Variants in CTNNA2 observed in about 807,000 individuals in gnomAD.
The protein encoded by CTNNA2 is catenin alpha 2.
Under a neutral mutation model 101.0 loss-of-function variants are expected in CTNNA2, and 42 were observed. The observed-to-expected ratio is 0.42, with a 90% CI of 0.32 to 0.54. The LOEUF (loss-of-function observed/expected upper bound fraction) is 0.54, where lower values mean the gene tolerates loss of function less well. Ranked by LOEUF, CTNNA2 falls within the 20% of genes least tolerant of loss-of-function variation. CTNNA2 has a pLI of 0.14. For missense variants in CTNNA2, 871 were observed against 1,223.1 expected (o/e 0.71, Z 4.29); for synonymous variants, 450 against 456.4 (o/e 0.99, Z 0.18).
intron 7 of CTNNA2, among the ~76,000 whole-genome samples, chr2:80,383,488 A>G (rs1676701756): frequency 6.6e-6 from 1 of 152,210 alleles, no homozygotes; most frequent in African/African-American, 2.4e-5. Flanking sequence ...AAAACTTATT[A>G]GGTAACACTA....
intron 9 of CTNNA2, among the ~76,000 whole-genome samples, chr2:80,516,460 C>G (rs1390620884): frequency 6.6e-6 from 1 of 152,172 alleles, no homozygotes. Flanking sequence ...AGCTCTGCCT[C>G]TCCCCATTAA....
chr2:79,534,870 A>G (rs980816657), intron 1 of CTNNA2, among the ~76,000 whole-genome samples: 3 of 151,598 alleles, frequency 2.0e-5, no homozygotes, highest in African/African-American at 7.3e-5. Context: ...TGCTGTTAAT[A>G]TTTTTATAGC....
chr2:79,185,965 A>G (rs1355326873), intron 1 of CTNNA2, among the ~76,000 whole-genome samples: 2 of 152,208 alleles, frequency 1.3e-5, no homozygotes, highest in Non-Finnish European at 2.9e-5. Context: ...CAGCAGCTGC[A>G]TGTGTTTGGT....
chr2:80,347,828 TTTTTC>T (rs1290418709), intron 7 of CTNNA2, among the ~76,000 whole-genome samples: 4 of 140,068 alleles, frequency 2.9e-5, no homozygotes, highest in African/African-American at 5.6e-5. Flanking sequence ...TATCTTTTCC[TTTTTC>T]TTTTCTTTTC....
intron 12 of CTNNA2, among the ~76,000 whole-genome samples, chr2:80,560,210 T>A (rs1435989304): frequency 6.6e-6 from 1 of 152,180 alleles, no homozygotes; most frequent in Admixed American, 6.5e-5. Context: ...CCTAAAGTTT[T>A]ATACGAATGG....
intron 8 of CTNNA2, among the ~76,000 whole-genome samples, chr2:80,395,071 A>G (rs1677883102): frequency 6.6e-6 from 1 of 152,186 alleles, no homozygotes; most frequent in African/African-American, 2.4e-5. Flanking sequence ...TGAATGAAAA[A>G]GTAATTTTTA....
intron 7 of CTNNA2, among the ~76,000 whole-genome samples, chr2:80,307,045 T>TTATA (rs528786502): frequency 2.0e-5 from 3 of 148,066 alleles, no homozygotes; most frequent in African/African-American, 7.4e-5. Flanking sequence ...AATAAATAAA[T>TTATA]TATATATATA....
At chr2:80,503,032 G>T (rs768351589) in intron 9 of CTNNA2, among the ~76,000 whole-genome samples, 1 of 152,040 alleles carries the variant, frequency 6.6e-6, no homozygotes, top group Non-Finnish European at 1.5e-5. Flanking sequence ...AATTTGCAAG[G>T]CATGGAGGCA....
intron 9 of CTNNA2, among the ~76,000 whole-genome samples, chr2:80,494,679 G>A (rs1165054501): frequency 1.3e-5 from 2 of 150,912 alleles, no homozygotes; most frequent in African/African-American, 2.4e-5. Flanking sequence ...AAAGCTAGAC[G>A]AAGGGACAGT....
At chr2:79,489,047 G>A (rs1053058073) in intron 4 of CTNNA2, among the ~76,000 whole-genome samples, 3 of 151,890 alleles carry the variant, frequency 2.0e-5, no homozygotes, top group Admixed American at 6.6e-5. Context: ...CTCCTTTATC[G>A]ACTTCCATGG....
At chr2:80,087,481 T>TATGGG (rs1699516430) in intron 7 of CTNNA2, among the ~76,000 whole-genome samples, 1 of 152,010 alleles carries the variant, frequency 6.6e-6, no homozygotes, top group South Asian at 2.1e-4. Flanking sequence ...TCTGTGTAAA[T>TATGGG]ACGGGATGGA....
At chr2:79,432,601 C>A (rs1678669789) in intron 4 of CTNNA2, among the ~76,000 whole-genome samples, 1 of 152,160 alleles carries the variant, frequency 6.6e-6, no homozygotes, top group Admixed American at 6.5e-5. Flanking sequence ...GTTGGAAGTG[C>A]TGATCAGTGA....
At chr2:80,312,183 T>C (rs909173561) in intron 7 of CTNNA2, among the ~76,000 whole-genome samples, 1 of 152,252 alleles carries the variant, frequency 6.6e-6, no homozygotes, top group Non-Finnish European at 1.5e-5. Flanking sequence ...TCATCGCAGA[T>C]GGAACAATGG....
chr2:80,606,558 T>G (rs1224486571), intron 16 of CTNNA2, among the ~76,000 whole-genome samples: 1 of 151,920 alleles, frequency 6.6e-6, no homozygotes, highest in Non-Finnish European at 1.5e-5. Flanking sequence ...TAACTTGCAA[T>G]TTTTGATAAA....
At chr2:80,193,432 G>A (rs1338186294) in intron 7 of CTNNA2, among the ~76,000 whole-genome samples, 1 of 152,192 alleles carries the variant, frequency 6.6e-6, no homozygotes. Context: ...TTGAGCACTT[G>A]TGTAAGTCAG....
chr2:79,769,229 C>T (rs1037342562), intron 3 of CTNNA2, among the ~76,000 whole-genome samples: 1 of 152,044 alleles, frequency 6.6e-6, no homozygotes, highest in South Asian at 2.1e-4. Context: ...ATGTTGACTT[C>T]GGAATGCCCT....
chr2:79,545,713 A>G (rs1057221363), intron 1 of CTNNA2, among the ~76,000 whole-genome samples: 3 of 152,198 alleles, frequency 2.0e-5, no homozygotes, highest in Non-Finnish European at 2.9e-5. Context: ...TCCCAGGTTG[A>G]TAACTCTCGA....
chr2:80,429,496 G>A (rs186112837), intron 9 of CTNNA2, among the ~76,000 whole-genome samples: 73 of 152,258 alleles, frequency 4.8e-4, no homozygotes, highest in Non-Finnish European at 1.8e-4. Context: ...CAAGGTATCT[G>A]TACAGCCTAA....
chr2:80,531,078 G>A (rs1014096565), intron 9 of CTNNA2, among the ~76,000 whole-genome samples: 2 of 152,134 alleles, frequency 1.3e-5, no homozygotes, highest in African/African-American at 4.8e-5. Flanking sequence ...TCTGAGGGCA[G>A]GGAGGGAGCT....
Sources: gnomAD v4.1 joint callset for allele counts (sites outside exome capture counted in the v4.1 genomes callset) on GRCh38, gnomAD v4.1.1 for gene constraint, MANE v1.5 for transcripts, NCBI Gene and HGNC (gene_info 2026-07-23, HGNC 2026-07-21) for gene names.